Variants in KLHL1 observed in about 807,000 individuals in gnomAD.
KLHL1 encodes kelch-like protein 1.
Under a neutral mutation model 77.7 loss-of-function variants are expected in KLHL1, and 47 were observed. The observed-to-expected ratio is 0.60, with a 90% confidence interval of 0.48 to 0.77. KLHL1 has a LOEUF of 0.77. Ranked by LOEUF, KLHL1 falls within the 30% of genes least tolerant of loss-of-function variation. The pLI, the probability that KLHL1 is intolerant of heterozygous loss-of-function variation, is 0.00. For missense variants in KLHL1, 925 were observed against 910.8 expected, an observed-to-expected ratio of 1.02 and a Z score of -0.20; for synonymous variants, 360 against 325.2, an observed-to-expected ratio of 1.11 and a Z score of -1.15.
At chr13:69,935,174 T>C (rs964103005) in intron 4 of KLHL1, among the ~76,000 whole-genome samples, 2 of 94,522 alleles carry the variant, frequency 2.1e-5, no homozygotes, top group African/African-American at 8.3e-5. Flanking sequence ...GCATTTCCTG[T>C]GCCACCTACT....
intron 8 of KLHL1, among the ~76,000 whole-genome samples, chr13:69,733,359 C>T (rs1417090249): frequency 6.6e-6 from 1 of 151,974 alleles, no homozygotes; most frequent in Non-Finnish European, 1.5e-5. Flanking sequence ...AATTTGCAAA[C>T]AATGTGAGAA....
chr13:69,809,581 A>G (rs888274995), intron 6 of KLHL1, among the ~76,000 whole-genome samples: 16 of 152,080 alleles, frequency 1.1e-4, no homozygotes, highest in African/African-American at 3.4e-4. Flanking sequence ...AAATGAAAGG[A>G]TTATACTTGC....
intron 6 of KLHL1, among the ~76,000 whole-genome samples, chr13:69,820,636 T>C (rs550088303): frequency 7.9e-5 from 12 of 152,330 alleles, no homozygotes; most frequent in African/African-American, 2.4e-4. Flanking sequence ...TAGTTGAGAA[T>C]TGCCTCTGGA....
intron 3 of KLHL1, among the ~76,000 whole-genome samples, chr13:69,953,635 T>A (rs1480409015): frequency 6.6e-6 from 1 of 151,160 alleles, no homozygotes; most frequent in African/African-American, 2.4e-5. Flanking sequence ...GAATATACAA[T>A]AAAAATCCAT....
Position 69,796,904 on chromosome 13 carries a change from C to T in KLHL1, c.1473G>A (p.Met491Ile), listed in dbSNP as rs773352424. Residue 491 changes from methionine (M) to isoleucine (I), a missense_variant, in exon 7 of 11, where the codon ATG (methionine) becomes ATA (isoleucine). Met to Ile is a conservative substitution (Grantham distance 10). Coordinates refer to ENST00000377844, the MANE Select transcript of KLHL1 (RefSeq NM_020866.3). The part of the protein sequence containing the change: ...LRTNLWIQAG[M>I]MNGRRLQFGV... ...CAAACTGCAGCCTTCTGCCATTCAT[C>T]ATCCCTGCCTGGATCCACAGATTTG... 7.4e-6 allele frequency: 12 copies of T among 1,614,052 alleles called. No individual in the cohort carries two copies. The highest frequency in any genetic ancestry group is 4.5e-5 in the East Asian group (2 of 44,880).
intron 3 of KLHL1, among the ~76,000 whole-genome samples, chr13:69,944,796 C>T (rs1326786847): frequency 6.6e-6 from 1 of 151,946 alleles, no homozygotes. Context: ...AAGAGCACTA[C>T]CTGATTTTAA....
Position 70,083,406 on chromosome 13 carries a change from G to A in KLHL1, c.497+23797C>T, listed in dbSNP as rs1210439082. 2.0e-5 allele frequency among the ~76,000 whole-genome samples: 3 copies of A among 151,832 alleles called. No homozygotes were observed. In the East Asian group the frequency reaches 5.8e-4, roughly 29 times the overall value. ...AAGATGAACTAACTCCTGGTCTCAAGCAATCCTCCCACCTTAGCTGAATAG... is the reference window on the plus strand; with the variant it reads ...AAGATGAACTAACTCCTGGTCTCAAACAATCCTCCCACCTTAGCTGAATAG... On this transcript the variant is annotated intron_variant, in intron 1 of 10. Coordinates refer to ENST00000377844, the MANE Select transcript of KLHL1 (RefSeq NM_020866.3).
intron 4 of KLHL1, chr13:69,895,001 C>T (rs1469297787): frequency 9.9e-6 from 5 of 504,444 alleles, no homozygotes; most frequent in Admixed American, 2.1e-5. Flanking sequence ...AATGTAGACA[C>T]GGTGGTATGA....
chr13:69,763,806 T>A (rs1050017383), intron 7 of KLHL1, among the ~76,000 whole-genome samples: 4 of 152,184 alleles, frequency 2.6e-5, no homozygotes, highest in Non-Finnish European at 5.9e-5. Context: ...CAAACAGAAA[T>A]GTTAAAGAAG....
intron 1 of KLHL1, among the ~76,000 whole-genome samples, chr13:69,986,736 T>C (rs948518814): frequency 1.2e-4 from 18 of 152,102 alleles, no homozygotes; most frequent in African/African-American, 4.3e-4. Context: ...GCTTACATAA[T>C]TCTATACTCT....
chr13:69,818,007 G>T (rs777425264), intron 6 of KLHL1, among the ~76,000 whole-genome samples: 16 of 152,188 alleles, frequency 1.1e-4, no homozygotes, highest in Non-Finnish European at 1.8e-4. Flanking sequence ...ACCACCCTCA[G>T]AAGAGGCCCC....
intron 6 of KLHL1, among the ~76,000 whole-genome samples, chr13:69,807,058 G>A (rs987570495): frequency 7.2e-5 from 11 of 152,246 alleles, no homozygotes. Flanking sequence ...ATACTGGGCC[G>A]AGTTTTGCCT....
At chr13:69,946,674 A>G (rs80291378) in intron 3 of KLHL1, among the ~76,000 whole-genome samples, 4,556 of 150,178 alleles carry the variant, frequency 0.03, 25 homozygotes, top group African/African-American at 0.11. Flanking sequence ...CACTAGGTTC[A>G]GCTATTTATT....
intron 3 of KLHL1, among the ~76,000 whole-genome samples, chr13:69,944,978 CTTTTTTT>C (rs750774784): frequency 2.7e-3 from 219 of 79,864 alleles, no homozygotes; most frequent in African/African-American, 3.5e-3. Flanking sequence ...TATAAAACTT[CTTTTTTT>C]TTTTTTTTTT....
At chr13:70,040,712 T>C (rs560901421) in intron 1 of KLHL1, among the ~76,000 whole-genome samples, 1 of 152,312 alleles carries the variant, frequency 6.6e-6, no homozygotes, top group Admixed American at 6.5e-5. Flanking sequence ...TATTTTGTTT[T>C]AGATTCACCC....
intron 1 of KLHL1, among the ~76,000 whole-genome samples, chr13:70,089,522 C>T (rs749974631): frequency 1.6e-4 from 25 of 152,026 alleles, no homozygotes; most frequent in Admixed American, 1.5e-3. Context: ...AAATAGCTTG[C>T]GTGATACAAC....
chr13:70,038,644 G>A (rs1336470897), intron 1 of KLHL1, among the ~76,000 whole-genome samples: 1 of 128,000 alleles, frequency 7.8e-6, no homozygotes, highest in Admixed American at 9.6e-5. Flanking sequence ...GGTGGAGTGT[G>A]CAATGATGCG....
chr13:69,992,488 C>CT (rs1396564683), intron 1 of KLHL1, among the ~76,000 whole-genome samples: 1 of 151,884 alleles, frequency 6.6e-6, no homozygotes, highest in Non-Finnish European at 1.5e-5. Context: ...GAAATATGTG[C>CT]CTTAGCTAGA....
At chr13:69,744,982 T>C (rs925016091) in intron 7 of KLHL1, among the ~76,000 whole-genome samples, 1 of 152,054 alleles carries the variant, frequency 6.6e-6, no homozygotes, top group African/African-American at 2.4e-5. Context: ...ATGTAAAATT[T>C]CTGGGTCATA....
Sources: allele counts gnomAD v4.1 joint callset (sites outside exome capture counted in the v4.1 genomes callset), GRCh38; gene constraint gnomAD v4.1.1; transcripts MANE v1.5; gene names NCBI Gene and HGNC (gene_info 2026-07-23, HGNC 2026-07-21).